The following AP4S1 variants were observed in gnomAD, a reference collection of about 807,000 sequenced individuals.
AP4S1 encodes adaptor related protein complex 4 subunit sigma 1.
AP4S1 carries 23 observed loss-of-function variants against 19.8 expected under a neutral mutation model. The observed-to-expected ratio is 1.16, with a 90% CI of 0.84 to 1.65. The LOEUF is 1.65. AP4S1 is among the 40% of genes most tolerant of loss of function. The pLI is 0.00. For synonymous variants in AP4S1, 46 were observed against 54.1 expected (o/e 0.85, Z 0.66); for missense variants, 166 against 172.8 (o/e 0.96, Z 0.22).
chr14:31,089,598 G>C (rs1888021494), intron 5 of AP4S1, among the ~76,000 whole-genome samples: 1 of 152,212 alleles, frequency 6.6e-6, no homozygotes. Context: ...ATGGAAAAGT[G>C]TTTTATTTTC....
At chr14:31,077,382 A>G (rs1277735145) in intron 4 of AP4S1, among the ~76,000 whole-genome samples, 1 of 152,242 alleles carries the variant, frequency 6.6e-6, no homozygotes, top group African/African-American at 2.4e-5. Flanking sequence ...GGAAAGGGCA[A>G]AAGTCCAATT....
At chr14:31,050,401 C>T (rs1167431594) in intron 1 of AP4S1, among the ~76,000 whole-genome samples, 1 of 151,816 alleles carries the variant, frequency 6.6e-6, no homozygotes, top group Non-Finnish European at 1.5e-5. Context: ...TCAGTGTTAC[C>T]CCATCTTCAC....
intron 4 of AP4S1, among the ~76,000 whole-genome samples, chr14:31,078,075 G>A (rs1251203868): frequency 1.3e-5 from 2 of 152,174 alleles, no homozygotes; most frequent in Admixed American, 6.5e-5. Context: ...TGTTGGGAAC[G>A]TGCCTTGTGG....
chr14:31,085,180 C>A, intron 5 of AP4S1: 2 of 1,175,062 alleles, frequency 1.7e-6, no homozygotes, highest in Non-Finnish European at 2.1e-6. Context: ...CCCACCAGCC[C>A]TCACTATCTA....
intron 5 of AP4S1, among the ~76,000 whole-genome samples, chr14:31,089,061 G>A (rs946903727): frequency 4.6e-5 from 7 of 151,478 alleles, no homozygotes; most frequent in African/African-American, 1.7e-4. Context: ...TTGGGAGGCT[G>A]AGGTGGGAGG....
chr14:31,073,185 GAA>G (rs140738043), intron 4 of AP4S1: 661 of 412,938 alleles, frequency 1.6e-3, no homozygotes, highest in East Asian at 2.3e-3. Context: ...TAAAGAACTG[GAA>G]AAAAAAAAAA....
intron 1 of AP4S1, among the ~76,000 whole-genome samples, chr14:31,031,539 C>T (rs1754799086): frequency 6.6e-6 from 1 of 152,128 alleles, no homozygotes. Flanking sequence ...AGTTCAATAA[C>T]CAGAACTGCC....
At chr14:31,083,496 CTTTTTTTTTTTTT>C (rs768336426) in intron 5 of AP4S1, 3 of 255,162 alleles carry the variant, frequency 1.2e-5, no homozygotes, top group East Asian at 1.0e-4. Flanking sequence ...TGTTGACACT[CTTTTTTTTTTTTT>C]TTTTTTTTTT....
rs566146460 is a variant in AP4S1 at position 31,030,996 on chromosome 14, C to T, written c.-72+5209C>T. On this transcript the variant is annotated intron_variant, in intron 1 of 5. Coordinates refer to ENST00000542754, the MANE Select transcript of AP4S1 (RefSeq NM_001128126.3). ...ATCTCATCTCCAATTGTAATCCCCA[C>T]GTGTCAAGGGAGGGAGGTTATTGGA... 4.6e-5 allele frequency among the ~76,000 whole-genome samples: 7 copies of T among 152,112 alleles called. No individual in the cohort carries two copies. In the East Asian group the frequency reaches 9.6e-4, roughly 21 times the overall value.
upstream of AP4S1, chr14:31,025,631 A>C (rs891060386): frequency 3.9e-6 from 2 of 510,576 alleles, no homozygotes; most frequent in African/African-American, 4.0e-5. Context: ...CCTCCGGAGG[A>C]GCCCCCGCAG....
At chr14:31,081,332 G>A (rs1184957166) in intron 5 of AP4S1, among the ~76,000 whole-genome samples, 1 of 152,144 alleles carries the variant, frequency 6.6e-6, no homozygotes, top group East Asian at 1.9e-4. Context: ...TAAACTGGAA[G>A]GTTAAAGAAA....
intron 1 of AP4S1, among the ~76,000 whole-genome samples, chr14:31,036,979 A>ATTTTT (rs1362672113): frequency 2.0e-5 from 3 of 151,732 alleles, no homozygotes; most frequent in African/African-American, 7.3e-5. Flanking sequence ...TGCCCGGCTA[A>ATTTTT]TTTTTTGTAT....
At chr14:31,071,651 C>T (rs941016286) in intron 3 of AP4S1, among the ~76,000 whole-genome samples, 19 of 152,076 alleles carry the variant, frequency 1.2e-4, no homozygotes, top group Admixed American at 1.2e-3. Flanking sequence ...ATCTCCTGAC[C>T]TCATGATCCA....
intron 1 of AP4S1, among the ~76,000 whole-genome samples, chr14:31,062,144 G>C (rs966062894): frequency 6.6e-6 from 1 of 151,658 alleles, no homozygotes. Flanking sequence ...TGTCACCCAG[G>C]CTGGAGTACA....
At chr14:31,056,368 T>C (rs919203405) in intron 1 of AP4S1, among the ~76,000 whole-genome samples, 1 of 151,678 alleles carries the variant, frequency 6.6e-6, no homozygotes, top group Non-Finnish European at 1.5e-5. Flanking sequence ...TTTCTTTCTT[T>C]TTTTTTTGAG....
intron 1 of AP4S1, among the ~76,000 whole-genome samples, chr14:31,065,656 T>G (rs1886673271): frequency 6.6e-6 from 1 of 152,122 alleles, no homozygotes; most frequent in Non-Finnish European, 1.5e-5. Context: ...TTTATTTTAT[T>G]TTATTTATTT....
At chr14:31,088,421 T>C (rs1196307301) in intron 5 of AP4S1, among the ~76,000 whole-genome samples, 1 of 152,170 alleles carries the variant, frequency 6.6e-6, no homozygotes, top group Non-Finnish European at 1.5e-5. Flanking sequence ...ATATTTAATT[T>C]TGCATAAGCC....
intron 1 of AP4S1, among the ~76,000 whole-genome samples, chr14:31,054,961 CT>C (rs1024998809): frequency 2.1e-4 from 31 of 148,926 alleles, no homozygotes; most frequent in Admixed American, 1.4e-3. Flanking sequence ...CACTTTACCT[CT>C]GTGCTCTTTC....
intron 3 of AP4S1, among the ~76,000 whole-genome samples, chr14:31,070,968 T>C (rs189801540): frequency 3.3e-5 from 5 of 151,874 alleles, no homozygotes; most frequent in Admixed American, 2.0e-4. Context: ...AGGAGAATGG[T>C]GTGAACCCAG....
Sources: allele counts gnomAD v4.1 joint callset (sites outside exome capture counted in the v4.1 genomes callset), GRCh38; gene constraint gnomAD v4.1.1; transcripts MANE v1.5; gene names NCBI Gene and HGNC (gene_info 2026-07-23, HGNC 2026-07-21).